FMNL2: variants seen among roughly 807,000 people sequenced by gnomAD.
The protein encoded by FMNL2 is formin-like protein 2.
A neutral mutation model predicts 130.2 loss-of-function variants in FMNL2; 51 were observed. The observed-to-expected ratio is 0.39, with a 90% CI of 0.31 to 0.49. The LOEUF (loss-of-function observed/expected upper bound fraction) is 0.49, where lower values mean the gene tolerates loss of function less well. FMNL2 is among the 20% of genes least tolerant of loss of function. FMNL2 has a pLI of 0.85. For synonymous variants in FMNL2, 465 were observed against 467.1 expected (o/e 1.00, Z 0.06); for missense variants, 977 against 1,316.2 (o/e 0.74, Z 3.99).
intron 1 of FMNL2, among the ~76,000 whole-genome samples, chr2:152,379,081 T>C (rs984866760): frequency 1.3e-5 from 2 of 151,062 alleles, no homozygotes; most frequent in African/African-American, 4.9e-5. Flanking sequence ...TTTCTAATAT[T>C]CTTTGAAAAC....
chr2:152,524,197 G>T (rs1434201118), intron 2 of FMNL2, among the ~76,000 whole-genome samples: 1 of 152,196 alleles, frequency 6.6e-6, no homozygotes, highest in African/African-American at 2.4e-5. Flanking sequence ...TAATATGACA[G>T]ATGCTGATAG....
At chr2:152,552,956 C>T (rs771613600) in intron 4 of FMNL2, among the ~76,000 whole-genome samples, 2 of 152,150 alleles carry the variant, frequency 1.3e-5, no homozygotes, top group Non-Finnish European at 2.9e-5. Flanking sequence ...ACTTTTCATC[C>T]TCAGTGCAAG....
chr2:152,598,350 G>A (rs1697873358), intron 9 of FMNL2, among the ~76,000 whole-genome samples: 1 of 152,152 alleles, frequency 6.6e-6, no homozygotes, highest in Admixed American at 6.5e-5. Context: ...TCATCCCAGA[G>A]AGGACTGAAG....
At chr2:152,514,739 A>G (rs1471014561) in intron 1 of FMNL2, among the ~76,000 whole-genome samples, 1 of 152,182 alleles carries the variant, frequency 6.6e-6, no homozygotes, top group Non-Finnish European at 1.5e-5. Flanking sequence ...ACTATAATAA[A>G]AGTTTATGTG....
chr2:152,546,447 A>G (rs1180933375), intron 3 of FMNL2, among the ~76,000 whole-genome samples: 4 of 152,078 alleles, frequency 2.6e-5, no homozygotes, highest in Non-Finnish European at 5.9e-5. Flanking sequence ...GTAAGAAGCC[A>G]CTTATTATCA....
chr2:152,362,759 C>T (rs1683252762), intron 1 of FMNL2, among the ~76,000 whole-genome samples: 2 of 152,152 alleles, frequency 1.3e-5, no homozygotes, highest in African/African-American at 2.4e-5. Flanking sequence ...ACCTTATTAA[C>T]TTTAACTGTT....
intron 16 of FMNL2, among the ~76,000 whole-genome samples, chr2:152,626,314 G>C (rs1681781680): frequency 6.6e-6 from 1 of 152,180 alleles, no homozygotes; most frequent in Non-Finnish European, 1.5e-5. Flanking sequence ...TGGGATTACA[G>C]GCATAAGCCA....
At chr2:152,589,517 C>A (rs567259884) in intron 9 of FMNL2, among the ~76,000 whole-genome samples, 4 of 152,070 alleles carry the variant, frequency 2.6e-5, no homozygotes, top group Non-Finnish European at 5.9e-5. Flanking sequence ...TATTTTAAAC[C>A]CTGCAGAACT....
In FMNL2 at chr2:152,636,455, C is replaced by T; in HGVS notation, c.2709C>T (p.Val903=). ...CCCTTGAGAATGTTTTGCTGGATGT[C>T]AAGGAGCTCCAGAGGGGAATGGACT... ...AVSLENVLLD[V]KELQRGMDLT... is the part of the protein sequence containing the mutation. Residue 903 remains valine (V), a synonymous_variant, in exon 22 of 26, where the codon GTC becomes GTT. Coordinates refer to ENST00000288670, the MANE Select transcript of FMNL2 (RefSeq NM_052905.4). The T allele has an allele frequency of 1.2e-6, 2 of 1,612,288 alleles. No homozygotes were observed. Among genetic ancestry groups the T allele is most frequent in the Non-Finnish European group, 1.7e-6 (2 of 1,179,126 alleles).
chr2:152,605,118 G>A (rs1580077106), intron 9 of FMNL2, among the ~76,000 whole-genome samples: 1 of 151,954 alleles, frequency 6.6e-6, no homozygotes, highest in East Asian at 1.9e-4. Context: ...TTGTCTAGGG[G>A]GGCCAGCTGA....
intron 1 of FMNL2, among the ~76,000 whole-genome samples, chr2:152,417,686 C>T (rs1485245507): frequency 2.6e-5 from 4 of 152,082 alleles, no homozygotes; most frequent in Non-Finnish European, 5.9e-5. Context: ...ACGGTTGCTG[C>T]CTGCTCCTCT....
intron 1 of FMNL2, among the ~76,000 whole-genome samples, chr2:152,452,749 T>C (rs1363543682): frequency 2.7e-5 from 4 of 149,464 alleles, no homozygotes; most frequent in Admixed American, 2.0e-4. Context: ...TTCCTTTGCA[T>C]ACCTTTGTCG....
chr2:152,511,845 G>T (rs879864491), intron 1 of FMNL2, among the ~76,000 whole-genome samples: 4 of 152,160 alleles, frequency 2.6e-5, no homozygotes, highest in Non-Finnish European at 5.9e-5. Context: ...CAGATCAGCA[G>T]GTGATACAGA....
At chr2:152,471,553 G>C (rs1223406301) in intron 1 of FMNL2, among the ~76,000 whole-genome samples, 1 of 152,176 alleles carries the variant, frequency 6.6e-6, no homozygotes, top group Non-Finnish European at 1.5e-5. Flanking sequence ...TCCACGTGGG[G>C]GTGGGCGTCC....
intron 1 of FMNL2, among the ~76,000 whole-genome samples, chr2:152,361,708 C>G (rs1173831518): frequency 6.6e-6 from 1 of 152,058 alleles, no homozygotes; most frequent in Non-Finnish European, 1.5e-5. Context: ...CAGCCATGTC[C>G]TTAAGATCCC....
chr2:152,387,225 A>C (rs754058188), intron 1 of FMNL2, among the ~76,000 whole-genome samples: 20 of 152,212 alleles, frequency 1.3e-4, no homozygotes, highest in Non-Finnish European at 2.5e-4. Flanking sequence ...GTAAAGTTTT[A>C]GTTTAACAGA....
At chr2:152,626,031 T>A (rs1197983093) in intron 16 of FMNL2, among the ~76,000 whole-genome samples, 3 of 151,798 alleles carry the variant, frequency 2.0e-5, no homozygotes, top group South Asian at 2.1e-4. Context: ...ATTTTATTTT[T>A]AAATTATTAT....
intron 15 of FMNL2, among the ~76,000 whole-genome samples, chr2:152,620,716 G>C (rs76439635): frequency 6.6e-6 from 1 of 152,110 alleles, no homozygotes; most frequent in East Asian, 1.9e-4. Flanking sequence ...TCCCTTCCAG[G>C]ATCCCATCTG....
intron 1 of FMNL2, among the ~76,000 whole-genome samples, chr2:152,468,498 T>G (rs1300005577): frequency 6.6e-6 from 1 of 152,198 alleles, no homozygotes; most frequent in Non-Finnish European, 1.5e-5. Context: ...TAAACATAAG[T>G]GTATCTGCTG....
Sources: gnomAD v4.1 joint callset for allele counts (sites outside exome capture counted in the v4.1 genomes callset) on GRCh38, gnomAD v4.1.1 for gene constraint, MANE v1.5 for transcripts, NCBI Gene and HGNC (gene_info 2026-07-23, HGNC 2026-07-21) for gene names.